Variants in ACCSL observed in about 807,000 individuals in gnomAD.
ACCSL encodes probable inactive 1-aminocyclopropane-1-carboxylate synthase-like protein 2.
In ACCSL, 55 loss-of-function variants were observed where a neutral mutation model predicts 61.7. That is an observed-to-expected ratio of 0.89 (90% CI 0.72 to 1.12). The LOEUF (loss-of-function observed/expected upper bound fraction) is 1.12. Ranked by LOEUF, ACCSL falls within the 50% of genes most tolerant of loss-of-function variation. ACCSL has a pLI of 0.00. For synonymous variants in ACCSL, 258 were observed against 264.3 expected, an observed-to-expected ratio of 0.98 and a Z score of 0.23; for missense variants, 632 against 698.0, an observed-to-expected ratio of 0.91 and a Z score of 1.07.
At chr11:44,009,766 A>G in the ACCSL span, among the ~76,000 whole-genome samples, 7 of 152,108 alleles carry the variant, frequency 4.6e-5, no homozygotes, top group Non-Finnish European at 1.0e-4. Context: ...CCCTGTCTCA[A>G]GTAAGTAAAT....
chr11:43,996,813 CT>C, the ACCSL span, among the ~76,000 whole-genome samples: 1,104 of 127,580 alleles, frequency 8.7e-3, 14 homozygotes, highest in African/African-American at 0.023. Flanking sequence ...ACCTTTTTTC[CT>C]TTTTTTTTTT....
chr11:43,951,139 T>C, the ACCSL span, among the ~76,000 whole-genome samples: 1 of 152,232 alleles, frequency 6.6e-6, no homozygotes, highest in South Asian at 2.1e-4. Context: ...AATATTAATA[T>C]GCATTGGCTG....
chr11:44,058,318 A>T lies in ACCSL; in HGVS notation c.1329A>T (p.Glu443Asp). 6.2e-7 allele frequency: 1 copy of T among 1,614,190 alleles called. No individual in the cohort carries two copies. Among genetic ancestry groups the T allele is most frequent in the East Asian group, 2.2e-5 (1 of 44,884 alleles). The change falls in exon 12 of 14, where the codon GAA becomes GAT. Residue 443 changes from glutamate (E) to aspartate (D), a missense_variant and splice_region_variant. Transcript: ENST00000378832. The part of the protein sequence containing the change: ...HKLCQLLQNT[E>D]WIDKVYLPTN... Reference sequence around the variant, plus strand: ...AGTGTTTTTCCTCTACCCATCCAGAATGGATTGACAAAGTATACCTACCCA... The same window carrying T: ...AGTGTTTTTCCTCTACCCATCCAGATTGGATTGACAAAGTATACCTACCCA...
the ACCSL span, among the ~76,000 whole-genome samples, chr11:43,980,386 A>C: frequency 6.6e-6 from 1 of 152,238 alleles, no homozygotes; most frequent in Non-Finnish European, 1.5e-5. Flanking sequence ...TTATGTTTTC[A>C]TCGTCAGCTG....
chr11:43,968,232 G>C, the ACCSL span, among the ~76,000 whole-genome samples: 1 of 150,232 alleles, frequency 6.7e-6, no homozygotes, highest in African/African-American at 2.5e-5. Flanking sequence ...CTGCTTTAGG[G>C]TGAGACCCTT....
chr11:43,975,736 G>A, the ACCSL span, among the ~76,000 whole-genome samples: 1 of 152,090 alleles, frequency 6.6e-6, no homozygotes, highest in African/African-American at 2.4e-5. Flanking sequence ...AGAAGCATTT[G>A]GGCTGTCAAA....
At chr11:43,990,085 TCC>T in the ACCSL span, among the ~76,000 whole-genome samples, 40 of 152,180 alleles carry the variant, frequency 2.6e-4, no homozygotes, top group Admixed American at 2.0e-3. Context: ...TGGCTTTGAG[TCC>T]CACCTCTATC....
chr11:43,943,590 C>G, the ACCSL span: 1 of 1,310,142 alleles, frequency 7.6e-7, no homozygotes, highest in Non-Finnish European at 1.0e-6. This position sits in a 1 kb window ranked among gnomAD's most constrained non-coding sequence, Gnocchi z 4.8. Context: ...GGCGGGTAGC[C>G]ACTCCATGCC....
the ACCSL span, among the ~76,000 whole-genome samples, chr11:43,976,483 G>A: frequency 2.0e-5 from 3 of 152,160 alleles, no homozygotes; most frequent in East Asian, 5.8e-4. Context: ...TATTTGTTAA[G>A]GTAATGAGAG....
chr11:44,012,316 C>T, the ACCSL span, among the ~76,000 whole-genome samples: 44 of 149,890 alleles, frequency 2.9e-4, no homozygotes, highest in African/African-American at 1.1e-3. Context: ...GATAGAGTTT[C>T]GCTCTTTTTG....
At chr11:43,966,036 G>T in the ACCSL span, among the ~76,000 whole-genome samples, 1 of 152,138 alleles carries the variant, frequency 6.6e-6, no homozygotes, top group East Asian at 1.9e-4. Context: ...AAGTCTTCAC[G>T]ACCTTGGATT....
intron 3 of ACCSL, 51 bp downstream of exon 3, chr11:44,050,673 T>C: frequency 6.4e-7 from 1 of 1,565,464 alleles, no homozygotes; most frequent in Non-Finnish European, 8.8e-7. Context: ...CAGCTGTCCT[T>C]ATCCAGAAGG....
chr11:43,969,957 G>T, the ACCSL span, among the ~76,000 whole-genome samples: 1 of 137,142 alleles, frequency 7.3e-6, no homozygotes, highest in Admixed American at 6.9e-5. Context: ...TCTCAAATAG[G>T]TATAGGGGGA....
chr11:43,931,319 A>G, the ACCSL span, among the ~76,000 whole-genome samples: 1 of 152,138 alleles, frequency 6.6e-6, no homozygotes, highest in Non-Finnish European at 1.5e-5. Context: ...ACTCCCCTCC[A>G]TGCCCCACCG....
Position 44,050,049 on chromosome 11 carries a change from C to T in ACCSL, c.505-13C>T. The T allele has an allele frequency of 6.2e-7, 1 of 1,614,168 alleles. No homozygotes were observed. The highest frequency in any genetic ancestry group is 1.1e-5 in the South Asian group (1 of 91,084). On this transcript the variant is annotated splice_polypyrimidine_tract_variant and intron_variant, in intron 1 of 13. Transcript: ENST00000378832. ...AGAGGACTGACCTGATCTTGGATTC[C>T]TTCCATCTCCAGGGTTTCATTAACC...
chr11:43,992,496 T>C, the ACCSL span, among the ~76,000 whole-genome samples: 1 of 152,240 alleles, frequency 6.6e-6, no homozygotes, highest in Non-Finnish European at 1.5e-5. Flanking sequence ...ATATCATTAC[T>C]GTGTGGCCTC....
At chr11:44,004,186 G>A in the ACCSL span, among the ~76,000 whole-genome samples, 192 of 151,878 alleles carry the variant, frequency 1.3e-3, 2 homozygotes, top group African/African-American at 4.5e-3. Context: ...GAGTGAGTGA[G>A]GTGAAGGGGG....
chr11:44,048,550 TGGGGTGG>T lies in ACCSL; in HGVS notation c.504+19_504+25del. On this transcript the variant is annotated intron_variant, in intron 1 of 13. Transcript: ENST00000378832. The stretch of plus-strand genomic sequence containing the variant: ...GGACAAGAACACCTTGGTGAGAATT[TGGGGTGG>T]GGGGTGGGCAGCATCCTCACGGGCT... 80 of 272,112 alleles carry T rather than the reference TGGGGTGG, an allele frequency of 2.9e-4. No homozygotes were observed. Among genetic ancestry groups the T allele is most frequent in the Non-Finnish European group, 4.4e-4 (73 of 165,724 alleles). 16.9% of individuals were successfully genotyped at this position (272,112 alleles called of 1,614,324 possible).
the ACCSL span, among the ~76,000 whole-genome samples, chr11:43,958,524 A>T: frequency 6.6e-6 from 1 of 152,232 alleles, no homozygotes; most frequent in Non-Finnish European, 1.5e-5. Context: ...GGTCTCCTGC[A>T]CAGCTGCCTC....
Sources: allele counts gnomAD v4.1 joint callset (sites outside exome capture counted in the v4.1 genomes callset), GRCh38; gene constraint gnomAD v4.1.1; non-coding constraint Gnocchi (gnomAD v3.1); transcripts MANE v1.5; gene names NCBI Gene and HGNC (gene_info 2026-07-23, HGNC 2026-07-21).